Variants in ERI3 observed in about 807,000 individuals in gnomAD.
The protein encoded by ERI3 is ERI1 exoribonuclease 3.
In ERI3, 18 loss-of-function variants were observed where a neutral mutation model predicts 44.4. That is an observed-to-expected ratio of 0.41 (90% confidence interval 0.28 to 0.60). ERI3 has a LOEUF of 0.60. ERI3 is among the 20% of genes least tolerant of loss of function. The pLI, the probability that ERI3 is intolerant of heterozygous loss-of-function variation, is 0.36. For missense variants in ERI3, 294 were observed against 435.5 expected (o/e 0.68, Z 2.89); for synonymous variants, 183 against 164.8 (o/e 1.11, Z -0.84).
chr1:44,334,108 T>G (rs539769320), intron 3 of ERI3, among the ~76,000 whole-genome samples: 1 of 152,204 alleles, frequency 6.6e-6, no homozygotes, highest in Non-Finnish European at 1.5e-5. Flanking sequence ...GCCAGAGGAC[T>G]TGGGGAGGAA....
intron 2 of ERI3, among the ~76,000 whole-genome samples, chr1:44,351,337 A>G (rs536140378): frequency 9.2e-5 from 14 of 152,314 alleles, no homozygotes; most frequent in African/African-American, 3.1e-4. Context: ...CCGGCCTGCC[A>G]ACTTTCTAAA....
intron 7 of ERI3, among the ~76,000 whole-genome samples, chr1:44,254,768 TCC>T (rs1052627263): frequency 1.3e-5 from 2 of 151,800 alleles, no homozygotes. Flanking sequence ...TCTGCATCCT[TCC>T]CCACCTGCTC....
intron 8 of ERI3, among the ~76,000 whole-genome samples, chr1:44,239,195 C>A (rs1158961354): frequency 6.6e-6 from 1 of 152,100 alleles, no homozygotes; most frequent in East Asian, 1.9e-4. Context: ...GAACTCAGGG[C>A]CCTGTGGCAG....
intron 2 of ERI3, among the ~76,000 whole-genome samples, chr1:44,345,166 G>C (rs1646759444): frequency 6.6e-6 from 1 of 152,210 alleles, no homozygotes. Flanking sequence ...CAGAGGAGTC[G>C]TTCTGGTGTC....
At chr1:44,247,164 TC>T (rs1644571749) in intron 8 of ERI3, among the ~76,000 whole-genome samples, 1 of 151,768 alleles carries the variant, frequency 6.6e-6, no homozygotes. Flanking sequence ...TGTTACACGC[TC>T]CCCAACAGAC....
intron 8 of ERI3, among the ~76,000 whole-genome samples, chr1:44,236,036 CTT>C (rs776428763): frequency 3.9e-5 from 6 of 152,198 alleles, no homozygotes; most frequent in Non-Finnish European, 8.8e-5. Flanking sequence ...TATTTATCCC[CTT>C]TGTTTGTTTG....
intron 3 of ERI3, chr1:44,323,027 T>G: frequency 9.7e-7 from 1 of 1,025,878 alleles, no homozygotes; most frequent in Non-Finnish European, 1.3e-6. Flanking sequence ...CCCTGACCTT[T>G]TCTCTCAGCC....
At chr1:44,239,130 G>T (rs1267472278) in intron 8 of ERI3, among the ~76,000 whole-genome samples, 1 of 150,506 alleles carries the variant, frequency 6.6e-6, no homozygotes, top group Non-Finnish European at 1.5e-5. Flanking sequence ...GTAACCCCCA[G>T]CCCTGGACAT....
In ERI3 at chr1:44,354,790, T is replaced by G. The variant is rs989831854; in HGVS notation, c.135+102A>C. The G allele has an allele frequency of 6.2e-6, 8 of 1,283,440 alleles. No homozygotes were observed. In the Admixed American group the frequency reaches 1.1e-4, roughly 17 times the overall value. 79.5% of individuals were successfully genotyped at this position (1,283,440 alleles called of 1,614,324 possible). A position where few individuals can be genotyped will look rare whatever the true frequency, so the allele number is the denominator to read the frequency against. Reference sequence around the variant, plus strand: ...TAAGTAAGCATCCAGGGTAAGCACATGGGCCAGCACCCCAGGTTGCATAAA... The same window carrying G: ...TAAGTAAGCATCCAGGGTAAGCACAGGGGCCAGCACCCCAGGTTGCATAAA... On this transcript the variant is annotated intron_variant, in intron 1 of 8. Coordinates refer to ENST00000372257, the MANE Select transcript of ERI3 (RefSeq NM_024066.3).
intron 7 of ERI3, among the ~76,000 whole-genome samples, chr1:44,278,096 T>C: frequency 6.6e-6 from 1 of 152,206 alleles, no homozygotes; most frequent in East Asian, 1.9e-4. Flanking sequence ...TACGAGACAT[T>C]TTGCATTTTT....
At chr1:44,246,298 C>A (rs1214543836) in intron 8 of ERI3, among the ~76,000 whole-genome samples, 1 of 152,184 alleles carries the variant, frequency 6.6e-6, no homozygotes, top group African/African-American at 2.4e-5. Flanking sequence ...AATACCCTTC[C>A]CCCATTTTTC....
chr1:44,299,266 T>C (rs1645674627), intron 6 of ERI3, among the ~76,000 whole-genome samples: 1 of 152,154 alleles, frequency 6.6e-6, no homozygotes, highest in South Asian at 2.1e-4. Context: ...CATTGCAGCC[T>C]CAAACTCCTG....
At chr1:44,247,915 G>A (rs778199415) in intron 8 of ERI3, 24 bp downstream of exon 8, 28 of 1,585,372 alleles carry the variant, frequency 1.8e-5, no homozygotes, top group East Asian at 4.6e-5. Flanking sequence ...TGGAGCTGCC[G>A]GGGGAATATG....
At chr1:44,278,338 A>C (rs1327325642) in intron 7 of ERI3, among the ~76,000 whole-genome samples, 1 of 152,104 alleles carries the variant, frequency 6.6e-6, no homozygotes, top group Non-Finnish European at 1.5e-5. Context: ...TTAGCTTGGC[A>C]TGGTAGCACA....
At chr1:44,278,695 G>A (rs1645228662) in intron 7 of ERI3, among the ~76,000 whole-genome samples, 1 of 152,070 alleles carries the variant, frequency 6.6e-6, no homozygotes, top group African/African-American at 2.4e-5. Flanking sequence ...TGCCTCCCGG[G>A]TTCAAGTGAT....
intron 6 of ERI3, among the ~76,000 whole-genome samples, chr1:44,288,162 G>C (rs1027268015): frequency 4.6e-5 from 7 of 152,160 alleles, no homozygotes; most frequent in African/African-American, 7.2e-5. Flanking sequence ...AGACAGTCAG[G>C]TTGGATACTC....
chr1:44,307,099 G>A (rs1375074210), intron 6 of ERI3, among the ~76,000 whole-genome samples: 3 of 152,200 alleles, frequency 2.0e-5, no homozygotes, highest in African/African-American at 7.2e-5. Flanking sequence ...GGAATATGGA[G>A]ACCCTCTGGA....
chr1:44,299,975 G>C (rs115566527), intron 6 of ERI3, among the ~76,000 whole-genome samples: 1 of 152,118 alleles, frequency 6.6e-6, no homozygotes. Context: ...GGCAGAGACC[G>C]GCTGAGTTAG....
At chr1:44,229,034 C>A (rs1382145535) in intron 8 of ERI3, among the ~76,000 whole-genome samples, 1 of 152,206 alleles carries the variant, frequency 6.6e-6, no homozygotes, top group Non-Finnish European at 1.5e-5. Context: ...GCTCCAGCCA[C>A]TGCAGAGGAA....
Sources: gnomAD v4.1 joint callset for allele counts (sites outside exome capture counted in the v4.1 genomes callset) on GRCh38, gnomAD v4.1.1 for gene constraint, MANE v1.5 for transcripts, NCBI Gene and HGNC (gene_info 2026-07-23, HGNC 2026-07-21) for gene names.